The following TCAIM variants were observed in gnomAD, a reference collection of about 807,000 sequenced individuals.
TCAIM encodes the protein T cell activation inhibitor, mitochondrial.
Under a neutral mutation model 58.6 loss-of-function variants are expected in TCAIM, and 36 were observed. The ratio of observed to expected loss-of-function variants is 0.61; its 90% CI spans 0.47 to 0.81. TCAIM has a LOEUF of 0.81. TCAIM is among the 30% of genes least tolerant of loss of function. TCAIM has a pLI of 0.00. For missense variants in TCAIM, 466 were observed against 579.6 expected (o/e 0.80, Z 2.01); for synonymous variants, 172 against 193.6 (o/e 0.89, Z 0.93).
At chr3:44,344,374 T>C (rs1263083580) in intron 1 of TCAIM, among the ~76,000 whole-genome samples, 1 of 152,178 alleles carries the variant, frequency 6.6e-6, no homozygotes, top group Non-Finnish European at 1.5e-5. Flanking sequence ...TCCTCCATGA[T>C]TAAAAGTCAT....
At chr3:44,358,201 C>CTTTT in intron 3 of TCAIM, 2 of 1,226,190 alleles carry the variant, frequency 1.6e-6, no homozygotes, top group South Asian at 1.5e-5. Context: ...ATCTCTCTCT[C>CTTTT]TTTTTTTTTT....
At position 44,361,537 on chromosome 3, in the gene TCAIM, G is replaced by C. The variant is rs1452728482; in HGVS notation, c.319+19G>C. The C allele has an allele frequency of 5.1e-6, 8 of 1,573,024 alleles. No individual in the cohort carries two copies. The highest frequency in any genetic ancestry group is 2.0e-5 in the Admixed American group (1 of 51,132). On this transcript the variant is annotated intron_variant, in intron 4 of 10. Coordinates refer to ENST00000342649, the MANE Select transcript of TCAIM (RefSeq NM_173826.4). ...ACTTCCGGTACGTTTTTTATTTCTGGTGTGTCCCTTGCAAGCTTAATGTTA... is the reference window on the plus strand; with the variant it reads ...ACTTCCGGTACGTTTTTTATTTCTGCTGTGTCCCTTGCAAGCTTAATGTTA...
chr3:44,397,942 A>G (rs766419597), intron 8 of TCAIM, among the ~76,000 whole-genome samples: 30 of 152,208 alleles, frequency 2.0e-4, no homozygotes, highest in Non-Finnish European at 4.3e-4. Flanking sequence ...TATATTTTCA[A>G]ACTCTCAAAT....
At chr3:44,357,463 A>G (rs1421859269) in intron 2 of TCAIM, among the ~76,000 whole-genome samples, 1 of 152,218 alleles carries the variant, frequency 6.6e-6, no homozygotes, top group Non-Finnish European at 1.5e-5. Flanking sequence ...AATTGTTATC[A>G]TTTGCAGTGA....
chr3:44,395,199 C>A (rs1456698299), intron 6 of TCAIM, among the ~76,000 whole-genome samples: 5 of 151,414 alleles, frequency 3.3e-5, no homozygotes, highest in South Asian at 2.1e-4. Flanking sequence ...TTTTTAATTT[C>A]AAGTAATCAA....
intron 5 of TCAIM, among the ~76,000 whole-genome samples, chr3:44,383,454 G>C (rs1017293274): frequency 6.6e-6 from 1 of 152,174 alleles, no homozygotes; most frequent in Non-Finnish European, 1.5e-5. Context: ...CAAAAAGACA[G>C]ATGGTGGATG....
intron 5 of TCAIM, among the ~76,000 whole-genome samples, chr3:44,391,948 T>C (rs553348023): frequency 6.6e-6 from 1 of 152,328 alleles, no homozygotes; most frequent in East Asian, 1.9e-4. Flanking sequence ...TTTAGCTCTA[T>C]TATAATATTT....
At chr3:44,367,171 G>A (rs768889369) in intron 4 of TCAIM, among the ~76,000 whole-genome samples, 2 of 152,142 alleles carry the variant, frequency 1.3e-5, no homozygotes, top group Non-Finnish European at 2.9e-5. Flanking sequence ...TGGTGGGCTG[G>A]GATGGGTTTG....
chr3:44,346,582 G>A (rs1304585249), intron 1 of TCAIM, among the ~76,000 whole-genome samples: 1 of 152,198 alleles, frequency 6.6e-6, no homozygotes, highest in Non-Finnish European at 1.5e-5. Context: ...TTCCTTGAGG[G>A]TAGAATGTCC....
chr3:44,341,351 T>A (rs1700851366), intron 1 of TCAIM: 2 of 152,344 alleles, frequency 1.3e-5, no homozygotes, highest in South Asian at 4.1e-4. Flanking sequence ...AGAGAAATGC[T>A]ACTTCCATCA....
In TCAIM at chr3:44,361,515, T is replaced by G; in HGVS notation, c.316T>G (p.Ser106Ala). Residue 106 changes from serine (S) to alanine (A), a missense_variant, in exon 4 of 11, where the codon TCC (serine) becomes GCC (alanine). Physicochemically the swap from Ser to Ala is moderately conservative, Grantham distance 99. Coordinates refer to ENST00000342649, the MANE Select transcript of TCAIM (RefSeq NM_173826.4). ...SSDGQEPFST[S>A]GFRAVKFTLH... Reference sequence around the variant, plus strand: ...CGATGGCCAGGAACCTTTTAGTACTTCCGGTACGTTTTTTATTTCTGGTGT... The same window carrying G: ...CGATGGCCAGGAACCTTTTAGTACTGCCGGTACGTTTTTTATTTCTGGTGT... 2 of 1,588,390 alleles carry G rather than the reference T, an allele frequency of 1.3e-6. No individual in the cohort carries two copies. The highest frequency in any genetic ancestry group is 1.7e-6 in the Non-Finnish European group (2 of 1,171,206).
chr3:44,376,933 C>CA (rs1231497093), intron 5 of TCAIM, among the ~76,000 whole-genome samples: 3 of 151,832 alleles, frequency 2.0e-5, no homozygotes, highest in Non-Finnish European at 4.4e-5. Context: ...CTAAAAAATA[C>CA]AAAAAAATTA....
intron 5 of TCAIM, among the ~76,000 whole-genome samples, chr3:44,385,714 G>A (rs1701728394): frequency 1.3e-5 from 2 of 152,142 alleles, no homozygotes; most frequent in Admixed American, 6.5e-5. Context: ...CTGCACTCCA[G>A]CCTGGGCAAC....
chr3:44,392,758 G>A (rs1701858536), intron 5 of TCAIM, 97 bp from the exon 6 acceptor site: 1 of 1,183,602 alleles, frequency 8.4e-7, no homozygotes, highest in African/African-American at 1.6e-5. Flanking sequence ...CCAAGTCTTT[G>A]CTATTGTGAA....
chr3:44,364,275 T>A (rs534418816), intron 4 of TCAIM, among the ~76,000 whole-genome samples: 179 of 149,102 alleles, frequency 1.2e-3, no homozygotes, highest in African/African-American at 4.0e-3. Flanking sequence ...ACAGAAAAAA[T>A]TAAACTAGAA....
intron 8 of TCAIM, among the ~76,000 whole-genome samples, chr3:44,397,129 T>C (rs1701947903): frequency 6.6e-6 from 1 of 152,196 alleles, no homozygotes; most frequent in South Asian, 2.1e-4. Context: ...TCTTAACAGA[T>C]TTATTGAGGT....
rs145963458 is a variant in TCAIM, at chr3:44,348,771, C to T, written c.-44-5968C>T. On this transcript the variant is annotated intron_variant, in intron 1 of 10. Transcript: ENST00000342649. ...CCTTCTGGCCCCTCTGGGTCTAGGG[C>T]AGTAAAGCGTCTAAAGGTTGCTGCT... is the stretch of plus-strand genomic sequence containing the variant. Among the ~76,000 whole-genome samples the T allele has an allele frequency of 7.2e-3, 1,098 of 152,180 alleles. 9 individuals are homozygous for T. The highest frequency in any genetic ancestry group is 0.025 in the African/African-American group (1,048 of 41,518).
At chr3:44,387,506 TC>T (rs1467436579) in intron 5 of TCAIM, among the ~76,000 whole-genome samples, 1 of 152,204 alleles carries the variant, frequency 6.6e-6, no homozygotes, top group Non-Finnish European at 1.5e-5. Flanking sequence ...GTTCCTCAGT[TC>T]CCACAGTGGT....
chr3:44,395,234 T>G (rs965582516), intron 6 of TCAIM, among the ~76,000 whole-genome samples: 1 of 152,054 alleles, frequency 6.6e-6, no homozygotes, highest in Non-Finnish European at 1.5e-5. Flanking sequence ...TGAAATTATA[T>G]TTTACTTTTT....
Sources: gnomAD v4.1 joint callset for allele counts (sites outside exome capture counted in the v4.1 genomes callset) on GRCh38, gnomAD v4.1.1 for gene constraint, MANE v1.5 for transcripts, NCBI Gene and HGNC (gene_info 2026-07-23, HGNC 2026-07-21) for gene names.